Variants in ZDHHC15 observed in about 807,000 individuals in gnomAD.
The protein encoded by ZDHHC15 is palmitoyltransferase ZDHHC15.
Under a neutral mutation model 31.7 loss-of-function variants are expected in ZDHHC15, and 19 were observed. The ratio of observed to expected loss-of-function variants is 0.60; its 90% CI spans 0.42 to 0.88. The LOEUF (loss-of-function observed/expected upper bound fraction) is 0.88. ZDHHC15 is among the 40% of genes least tolerant of loss of function. ZDHHC15 has a pLI of 0.00. For synonymous variants in ZDHHC15, 103 were observed against 90.0 expected (o/e 1.14, Z -0.82); for missense variants, 209 against 251.2 (o/e 0.83, Z 1.14).
At chrX:75,396,195 C>T (rs985109888) in intron 10 of ZDHHC15, among the ~76,000 whole-genome samples, 2 of 111,490 alleles carry the variant, frequency 1.8e-5, no homozygotes, top group African/African-American at 3.3e-5. Context: ...AGACAATAAA[C>T]AAAGTGAAAA....
chrX:75,394,223 A>T (rs2083275446), intron 10 of ZDHHC15, among the ~76,000 whole-genome samples: 1 of 111,696 alleles, frequency 9.0e-6, no homozygotes, highest in Admixed American at 9.6e-5. Context: ...CAAGCAAGAA[A>T]TTAAAACATA....
chrX:75,372,304 G>C lies in ZDHHC15; in HGVS notation c.*674C>G, dbSNP rs2083012500. 8.9e-6 allele frequency: 1 copy of C among 111,878 alleles called. No homozygotes were observed. Among genetic ancestry groups the C allele is most frequent in the Admixed American group, 9.5e-5 (1 of 10,521 alleles). 9.2% of individuals were successfully genotyped at this position (111,878 alleles called of 1,213,427 possible). On this transcript the variant is annotated 3_prime_UTR_variant, in exon 12 of 12. Transcript: ENST00000373367. ...TTTCAGGAACATTTGTGACAGAACA[G>C]GTTTTACATTGTTGTTCAAATTCCA... is the stretch of plus-strand genomic sequence containing the variant.
chrX:75,433,295 C>T (rs2083803889), intron 4 of ZDHHC15, among the ~76,000 whole-genome samples: 1 of 110,266 alleles, frequency 9.1e-6, no homozygotes, highest in African/African-American at 3.3e-5. Context: ...TTTTTTATTT[C>T]AATAGGTTTT....
At chrX:75,466,254 C>T (rs747035611) in intron 3 of ZDHHC15, among the ~76,000 whole-genome samples, 23 of 111,998 alleles carry the variant, frequency 2.1e-4, no homozygotes, top group African/African-American at 4.9e-4. Flanking sequence ...TACTATCTCA[C>T]GCCAGTCAGA....
At chrX:75,450,177 A>G (rs936836496) in intron 4 of ZDHHC15, among the ~76,000 whole-genome samples, 20 of 112,111 alleles carry the variant, frequency 1.8e-4, no homozygotes, top group African/African-American at 6.5e-4. Context: ...AGCCAGACGC[A>G]AGAGTATGTA....
chrX:75,407,378 C>T lies in ZDHHC15; in HGVS notation c.967+9709G>A, dbSNP rs370056134. Among the ~76,000 whole-genome samples, 15 of 110,787 alleles carry T rather than the reference C, an allele frequency of 1.4e-4. No individual in the cohort carries two copies. The South Asian group carries it at 3.8e-3, about 28-fold the overall frequency. On this transcript the variant is annotated intron_variant, in intron 10 of 11. Transcript: ENST00000373367. ...GTGAGGAGTGTCTCCACCTGGCAGC[C>T]GCCCCGTCCAGGAGGTGGGGGGCAG... is the stretch of plus-strand genomic sequence containing the variant.
intron 10 of ZDHHC15, among the ~76,000 whole-genome samples, chrX:75,407,010 A>G (rs1602575501): frequency 8.9e-6 from 1 of 112,623 alleles, no homozygotes; most frequent in Non-Finnish European, 1.9e-5. Context: ...GCTGGAGTGC[A>G]GTGGCGTGAT....
intron 10 of ZDHHC15, among the ~76,000 whole-genome samples, chrX:75,389,467 G>A (rs1437155363): frequency 9.2e-6 from 1 of 108,870 alleles, no homozygotes; most frequent in Non-Finnish European, 1.9e-5. Flanking sequence ...TCTGCTTGAG[G>A]AGGGAGAAGG....
At chrX:75,437,921 C>A (rs1413066030) in intron 4 of ZDHHC15, among the ~76,000 whole-genome samples, 1 of 110,222 alleles carries the variant, frequency 9.1e-6, no homozygotes, top group African/African-American at 3.3e-5. Context: ...AGAACTCAAA[C>A]AAATTTACAA....
At chrX:75,490,888 C>G (rs1350262987) in intron 2 of ZDHHC15, among the ~76,000 whole-genome samples, 1 of 111,913 alleles carries the variant, frequency 8.9e-6, no homozygotes, top group Non-Finnish European at 1.9e-5. Context: ...CTCACCATCA[C>G]TGGCCATCAG....
intron 1 of ZDHHC15, among the ~76,000 whole-genome samples, chrX:75,519,476 C>G (rs2085414914): frequency 9.0e-6 from 1 of 111,463 alleles, no homozygotes; most frequent in South Asian, 3.8e-4. Flanking sequence ...ACATGTGAGA[C>G]AACTGAGGTT....
chrX:75,508,427 C>T lies in ZDHHC15; in HGVS notation c.137-2580G>A, dbSNP rs187972439. Among the ~76,000 whole-genome samples the T allele has an allele frequency of 3.9e-3, 411 of 105,580 alleles. 1 individual carries two copies. Among genetic ancestry groups the T allele is most frequent in the African/African-American group, 0.013 (370 of 28,898 alleles). 91.7% of individuals were successfully genotyped at this position (105,580 alleles called of 115,157 possible). A position where few individuals can be genotyped will look rare whatever the true frequency, so the allele number is the denominator to read the frequency against. ...TTTTTTTGTCCTTGCGATAGTTTGC[C>T]GAGAATGATGGTTTCCAGCTTCATC... On this transcript the variant is annotated intron_variant, in intron 1 of 11. Coordinates refer to ENST00000373367, the MANE Select transcript of ZDHHC15 (RefSeq NM_144969.3).
rs1385446040 is a variant in ZDHHC15 at position 75,422,089 on chromosome X, T to C, written c.737-99A>G. 1.2e-5 allele frequency: 12 copies of C among 1,015,632 alleles called. No individual in the cohort carries two copies. The East Asian group carries it at 3.9e-4, about 33-fold the overall frequency. The allele number at this position is 1,015,632 out of a possible 1,213,427, so 83.7% of individuals were successfully genotyped here. On this transcript the variant is annotated intron_variant, in intron 8 of 11. Transcript: ENST00000373367. ...TTTACATTTCTCCATGTATGTGACT[T>C]GGTTCTATTATATCTTTTTGCTGTG... is the stretch of plus-strand genomic sequence containing the variant.
chrX:75,409,819 A>C (rs1329149134), intron 10 of ZDHHC15, among the ~76,000 whole-genome samples: 2 of 68,115 alleles, frequency 2.9e-5, no homozygotes, highest in Non-Finnish European at 5.2e-5. Flanking sequence ...AAAAAAAAAA[A>C]ACAACAACAA....
intron 2 of ZDHHC15, among the ~76,000 whole-genome samples, chrX:75,491,406 C>A (rs1439877904): frequency 3.1e-4 from 30 of 97,863 alleles, no homozygotes; most frequent in Non-Finnish European, 5.6e-4. Context: ...TATTCTCACT[C>A]ATAGGTGGGT....
chrX:75,421,905 A>C lies in ZDHHC15; in HGVS notation c.822T>G (p.Phe274Leu), dbSNP rs1254692392. The C allele has an allele frequency of 8.3e-7, 1 of 1,210,440 alleles. No homozygotes were observed. The highest frequency in any genetic ancestry group is 1.8e-5 in the South Asian group (1 of 56,881). Residue 274 changes from phenylalanine (F) to leucine (L), a missense_variant, in exon 9 of 12, where the codon TTT becomes TTG. Phe to Leu is a conservative substitution (Grantham distance 22, BLOSUM62 0). Coordinates refer to ENST00000373367, the MANE Select transcript of ZDHHC15 (RefSeq NM_144969.3). ...TTAACCAGAACTTCTTCTTATCTCC[A>C]AACACCTGCTGGATATTCTTGATGA... ...LGFIKNIQQV[F>L]GDKKKFWLIP...
chrX:75,478,788 G>T, intron 3 of ZDHHC15, 103 bp downstream of exon 3: 1 of 597,248 alleles, frequency 1.7e-6, no homozygotes, highest in South Asian at 2.9e-5. Flanking sequence ...AGATTACCCT[G>T]ACTCTTTCGT....
intron 2 of ZDHHC15, among the ~76,000 whole-genome samples, chrX:75,493,281 T>G (rs773363604): frequency 3.6e-5 from 4 of 111,659 alleles, no homozygotes; most frequent in African/African-American, 1.3e-4. Flanking sequence ...TGAAATTCAG[T>G]CAATAATTAA....
chrX:75,513,744 T>A lies in ZDHHC15; in HGVS notation c.137-7897A>T, dbSNP rs779431005. 6.3e-5 allele frequency among the ~76,000 whole-genome samples: 7 copies of A among 110,975 alleles called. No individual in the cohort carries two copies. In the South Asian group the frequency reaches 1.5e-3, roughly 23 times the overall value. On this transcript the variant is annotated intron_variant, in intron 1 of 11. Coordinates refer to ENST00000373367, the MANE Select transcript of ZDHHC15 (RefSeq NM_144969.3). ...TCATACATTTGGTAAAAAATATGAA[T>A]CTAAACATCCAAGAAGTGCAATGAA...
Sources: gnomAD v4.1 joint callset for allele counts (sites outside exome capture counted in the v4.1 genomes callset) on GRCh38, gnomAD v4.1.1 for gene constraint, MANE v1.5 for transcripts, NCBI Gene and HGNC (gene_info 2026-07-23, HGNC 2026-07-21) for gene names.